STK11: variants seen among roughly 807,000 people sequenced by gnomAD.
The protein encoded by STK11 is serine/threonine-protein kinase STK11.
In STK11, 8 loss-of-function variants were observed where a neutral mutation model predicts 47.3. The observed-to-expected ratio is 0.17, with a 90% CI of 0.10 to 0.31. The LOEUF (loss-of-function observed/expected upper bound fraction) is 0.31. Ranked by LOEUF, STK11 falls within the 10% of genes least tolerant of loss-of-function variation. STK11 has a pLI of 1.00. For synonymous variants in STK11, 330 were observed against 255.8 expected (o/e 1.29, Z -2.77); for missense variants, 475 against 605.0 (o/e 0.79, Z 2.25).
chr19:1,214,166 CTTCTGCTCTTT>C (rs983124163), intron 1 of STK11, among the ~76,000 whole-genome samples: 1 of 152,184 alleles, frequency 6.6e-6, no homozygotes, highest in Non-Finnish European at 1.5e-5. Context: ...TGGGCCTCCT[CTTCTGCTCTTT>C]TTCTGGCTGG....
Position 1,223,174 on chromosome 19 carries a change from T to A in STK11, c.1108+2T>A, listed in dbSNP as rs2145431517. 6.2e-7 allele frequency: 1 copy of A among 1,609,986 alleles called. No individual in the cohort carries two copies. The highest frequency in any genetic ancestry group is 8.5e-7 in the Non-Finnish European group (1 of 1,178,908). On this transcript the variant is annotated splice_donor_variant, in intron 8 of 9. Coordinates refer to ENST00000326873, the MANE Select transcript of STK11 (RefSeq NM_000455.5). LOFTEE classifies it high-confidence loss of function. ...ACACTCAGGACTTCACGGTGCCCGG[T>A]GAGTCTGGCGGGGGCCCCTGCCCGG... is the stretch of plus-strand genomic sequence containing the variant.
At chr19:1,208,566 C>T (rs1813924637) in intron 1 of STK11, among the ~76,000 whole-genome samples, 1 of 148,186 alleles carries the variant, frequency 6.7e-6, no homozygotes, top group Non-Finnish European at 1.5e-5. Flanking sequence ...CCTCGGCCTC[C>T]CAAAGTGCTG....
chr19:1,208,995 G>C (rs757771589), intron 1 of STK11, among the ~76,000 whole-genome samples: 4 of 152,130 alleles, frequency 2.6e-5, no homozygotes, highest in Non-Finnish European at 5.9e-5. Flanking sequence ...TTGTACTCTG[G>C]AGCTGGAGCA....
At chr19:1,226,886 G>T in intron 9 of STK11, 1 of 562,872 alleles carries the variant, frequency 1.8e-6, no homozygotes, top group Non-Finnish European at 3.0e-6. Context: ...GCCTACGTGT[G>T]GCGGGGCTCT....
rs2080818653 is a variant in STK11, at chr19:1,226,121, G to A, written c.1109-333G>A. 7 of 1,159,374 alleles carry A rather than the reference G, an allele frequency of 6.0e-6. No homozygotes were observed. In the South Asian group the frequency reaches 1.7e-4, roughly 28 times the overall value. The allele number at this position is 1,159,374 out of a possible 1,614,324, so 71.8% of individuals were successfully genotyped here. On this transcript the variant is annotated intron_variant, in intron 8 of 9. Coordinates refer to ENST00000326873, the MANE Select transcript of STK11 (RefSeq NM_000455.5). ...GGCCAGGGTGCCCCAGGGGAGCACGGGAGGGTCCTGCCTTGTCAGCTTGCC... is the reference window on the plus strand; with the variant it reads ...GGCCAGGGTGCCCCAGGGGAGCACGAGAGGGTCCTGCCTTGTCAGCTTGCC...
At chr19:1,214,488 C>T (rs1048994587) in intron 1 of STK11, among the ~76,000 whole-genome samples, 3 of 152,180 alleles carry the variant, frequency 2.0e-5, no homozygotes. Context: ...TCGGTGAGGG[C>T]GAGTCCTCCT....
rs2075607 is a variant in STK11 at position 1,222,013 on chromosome 19, G to A, written c.920+7G>A. 6.4e-6 allele frequency: 10 copies of A among 1,565,288 alleles called. No homozygotes were observed. The highest frequency in any genetic ancestry group is 2.4e-5 in the East Asian group (1 of 41,840). On this transcript the variant is annotated splice_region_variant and intron_variant, in intron 7 of 9. Transcript: ENST00000326873. The stretch of plus-strand genomic sequence containing the variant: ...GGCAGATCCGGCAGCACAGGTGAGC[G>A]GCCCCTGGGGGCAGTGGGGCCGAGG...
At chr19:1,213,549 C>T (rs1392876025) in intron 1 of STK11, among the ~76,000 whole-genome samples, 1 of 152,250 alleles carries the variant, frequency 6.6e-6, no homozygotes, top group Non-Finnish European at 1.5e-5. Flanking sequence ...TCCGGCTTGT[C>T]TCACGGAGTG....
In STK11 at chr19:1,228,283, G is replaced by A. The variant is rs181506760; in HGVS notation, c.*707G>A. ...CCCCAGAGAAAACCCGGAGCAAGCAGGAGTGTGCGGTCAATATTTATATCA... is the reference window on the plus strand; with the variant it reads ...CCCCAGAGAAAACCCGGAGCAAGCAAGAGTGTGCGGTCAATATTTATATCA... On this transcript the variant is annotated 3_prime_UTR_variant, in exon 10 of 10. Coordinates refer to ENST00000326873, the MANE Select transcript of STK11 (RefSeq NM_000455.5). 3 of 293,552 alleles carry A rather than the reference G, an allele frequency of 1.0e-5. No individual in the cohort carries two copies. Among genetic ancestry groups the A allele is most frequent in the African/African-American group, 4.3e-5 (2 of 46,444 alleles). The allele number at this position is 293,552 out of a possible 1,614,324, so 18.2% of individuals were successfully genotyped here.
At chr19:1,209,583 A>AAAATAAATAAATAAAT (rs35010183) in intron 1 of STK11, among the ~76,000 whole-genome samples, 3 of 147,180 alleles carry the variant, frequency 2.0e-5, no homozygotes, top group Non-Finnish European at 3.0e-5. Context: ...CTCTGTCTCA[A>AAAATAAATAAATAAAT]AAATAAATAA....
rs1022787387 is a variant in STK11 at position 1,206,518 on chromosome 19, T to C, written c.-396T>C. On this transcript the variant is annotated 5_prime_UTR_variant, in exon 1 of 10. Transcript: ENST00000326873. ...CTGCGCTCGGCCGTGTTCATACTTG[T>C]CCGTGGGCCTGAGGTCCCCGGAGGA... 1.0e-5 allele frequency: 3 copies of C among 289,754 alleles called. No individual in the cohort carries two copies. The highest frequency in any genetic ancestry group is 1.3e-5 in the Non-Finnish European group (2 of 152,126). 17.9% of individuals were successfully genotyped at this position (289,754 alleles called of 1,614,324 possible).
intron 8 of STK11, chr19:1,223,933 A>G: frequency 9.9e-7 from 1 of 1,012,334 alleles, no homozygotes; most frequent in Non-Finnish European, 1.2e-6. Flanking sequence ...TTTCTGCTTT[A>G]CTGTTTCAGC....
intron 1 of STK11, among the ~76,000 whole-genome samples, chr19:1,209,126 T>G (rs1367285978): frequency 6.7e-6 from 1 of 150,152 alleles, no homozygotes; most frequent in Non-Finnish European, 1.5e-5. Context: ...GTGGAGCAGT[T>G]GCCTGTGCCT....
In STK11 at chr19:1,206,252, C is replaced by A. The variant is rs1031446285; in HGVS notation, c.-662C>A. 4.9e-6 allele frequency: 1 copy of A among 203,784 alleles called. No homozygotes were observed. The highest frequency in any genetic ancestry group is 1.0e-5 in the Non-Finnish European group (1 of 99,666). 12.6% of individuals were successfully genotyped at this position (203,784 alleles called of 1,614,324 possible). A position where few individuals can be genotyped will look rare whatever the true frequency, so the allele number is the denominator to read the frequency against. On this transcript the variant is annotated 5_prime_UTR_variant, in exon 1 of 10. Transcript: ENST00000326873. ...ACCAGCCCTGAGCGGAGCTGTTGGC[C>A]GCGGCGGGAGGCCTCCCGGACGCCC...
chr19:1,222,444 G>C (rs60286867), intron 7 of STK11, among the ~76,000 whole-genome samples: 24,217 of 152,162 alleles, frequency 0.16, 2,378 homozygotes, highest in East Asian at 0.32. Flanking sequence ...CCCTCACTTC[G>C]TGGGCTCTGC....
Position 1,227,622 on chromosome 19 carries a change from G to A in STK11, c.*46G>A. On this transcript the variant is annotated 3_prime_UTR_variant, in exon 10 of 10. Transcript: ENST00000326873. ...TGTCCAGGAGCCCCGCCAGGTGCCC[G>A]CGCCAGGCCCTCAGTCTTCCTGCCG... 3 of 1,066,328 alleles carry A rather than the reference G, an allele frequency of 2.8e-6. No individual in the cohort carries two copies. The highest frequency in any genetic ancestry group is 4.1e-4 in the Middle Eastern group (1 of 2,412). The allele number at this position is 1,066,328 out of a possible 1,614,324, so 66.1% of individuals were successfully genotyped here.
Position 1,227,704 on chromosome 19 carries a change from A to C in STK11, c.*128A>C. 1 of 1,070,114 alleles carries C rather than the reference A, an allele frequency of 9.3e-7. No homozygotes were observed. The highest frequency in any genetic ancestry group is 1.1e-6 in the Non-Finnish European group (1 of 882,244). The allele number at this position is 1,070,114 out of a possible 1,614,324, so 66.3% of individuals were successfully genotyped here. A position where few individuals can be genotyped will look rare whatever the true frequency, so the allele number is the denominator to read the frequency against. Reference sequence around the variant, plus strand: ...CATGCTTCTGTGCCGACCACGCCCCAGGACCTCCGGAGCGCCCTGCAGGGC... The same window carrying C: ...CATGCTTCTGTGCCGACCACGCCCCCGGACCTCCGGAGCGCCCTGCAGGGC... On this transcript the variant is annotated 3_prime_UTR_variant, in exon 10 of 10. Transcript: ENST00000326873.
chr19:1,222,911 AGAGGAGCTGG>A (rs1436909423), intron 7 of STK11, 64 bp from the exon 8 acceptor site: 8 of 1,462,942 alleles, frequency 5.5e-6, no homozygotes, highest in Non-Finnish European at 9.1e-7. Flanking sequence ...CCCTGGGCCC[AGAGGAGCTGG>A]GTCGGAAAAC....
In STK11 at chr19:1,226,595, C is replaced by A. The variant is rs1166243253; in HGVS notation, c.1250C>A (p.Ala417Asp). 1 of 1,566,672 alleles carries A rather than the reference C, an allele frequency of 6.4e-7. No individual in the cohort carries two copies. Among genetic ancestry groups the A allele is most frequent in the Non-Finnish European group, 8.6e-7 (1 of 1,157,526 alleles). The change falls in exon 9 of 10, where the codon GCC becomes GAC. Residue 417 changes from alanine (A) to aspartate (D), a missense_variant. Physicochemically the swap from Ala to Asp is moderately radical, Grantham distance 126. Transcript: ENST00000326873. Reference protein sequence around the residue: ...EGRAPNPARKACSASSKIRRL... With the variant: ...EGRAPNPARKDCSASSKIRRL... ...CGGGCCCCCAACCCTGCCCGCAAGG[C>A]CTGCTCCGCCAGCAGCAAGATCCGC...
Sources: gnomAD v4.1 joint callset for allele counts (sites outside exome capture counted in the v4.1 genomes callset) on GRCh38, gnomAD v4.1.1 for gene constraint, MANE v1.5 for transcripts, NCBI Gene and HGNC (gene_info 2026-07-23, HGNC 2026-07-21) for gene names.